SMC1A: variants seen among roughly 807,000 people sequenced by gnomAD.
The protein encoded by SMC1A is structural maintenance of chromosomes protein 1A.
SMC1A carries 4 observed loss-of-function variants against 94.5 expected under a neutral mutation model. The ratio of observed to expected loss-of-function variants is 0.04; its 90% confidence interval spans 0.02 to 0.10. The LOEUF is 0.10. Among genes scored for constraint, SMC1A ranks in the 10% least tolerant of loss-of-function variants. The probability of loss-of-function intolerance (pLI) is 1.00; values close to 1 mark genes in which losing one functional copy is unlikely to be tolerated. For synonymous variants in SMC1A, 345 were observed against 347.7 expected, an observed-to-expected ratio of 0.99 and a Z score of 0.09; for missense variants, 304 against 989.0, an observed-to-expected ratio of 0.31 and a Z score of 9.29.
At position 53,412,046 on chromosome X, in the gene SMC1A, C is replaced by T; in HGVS notation, c.1062G>A (p.Met354Ile). The change falls in exon 6 of 25, where the codon ATG becomes ATA. Residue 354 changes from methionine (M) to isoleucine (I), a missense_variant. By Grantham distance (10) the Met-to-Ile change is conservative. Around this residue, in one of 11 missense-constraint regions of SMC1A, gnomAD observed 120 missense variants for 314.9 expected, o/e 0.38. Transcript: ENST00000322213. ...EKARQEFEER[M>I]EEESQSQGRD... The stretch of plus-strand genomic sequence containing the variant: ...TGCCCTGACTCTGACTCTCTTCTTC[C>T]ATCCGTTCTTCAAACTCCTGCCGAG... 1.7e-6 allele frequency: 2 copies of T among 1,211,386 alleles called. No individual in the cohort carries two copies. Among genetic ancestry groups the T allele is most frequent in the Non-Finnish European group, 2.2e-6 (2 of 895,212 alleles).
intron 15 of SMC1A, among the ~76,000 whole-genome samples, chrX:53,403,244 C>T (rs1556889188): frequency 9.3e-6 from 1 of 107,186 alleles, no homozygotes; most frequent in South Asian, 4.2e-4. Context: ...ACCTAATCCT[C>T]CCAACAATGC....
In SMC1A at chrX:53,376,519, A is replaced by T. The variant is rs2075560312; in HGVS notation, c.*3584T>A. 9.0e-6 allele frequency: 1 copy of T among 111,494 alleles called. No individual in the cohort carries two copies. The highest frequency in any genetic ancestry group is 3.8e-4 in the South Asian group (1 of 2,644). The allele number at this position is 111,494 out of a possible 1,213,427, so 9.2% of individuals were successfully genotyped here. ...GCCATGCATTTACGACCCTCTTCCA[A>T]TCTGGTTCCTCTCTACCTTTTCTTG... On this transcript the variant is annotated 3_prime_UTR_variant, in exon 25 of 25. Transcript: ENST00000322213.
rs146216425 is a variant in SMC1A at position 53,380,647 on chromosome X, G to A, written c.3591C>T (p.Ala1197=). ...ISLKEEFYTK[A]ESLIGVYPEQ... is the part of the protein sequence containing the mutation. ...CAGGATAGACTCCAATGAGGCTCTC[G>A]GCCTTGGTGTAGAACTCCTCCTTGA... Residue 1197 remains alanine (A), a synonymous_variant, in exon 24 of 25, where the codon GCC becomes GCT. Coordinates refer to ENST00000322213, the MANE Select transcript of SMC1A (RefSeq NM_006306.4). 3.4e-4 allele frequency: 414 copies of A among 1,203,511 alleles called. No individual in the cohort carries two copies. The highest frequency in any genetic ancestry group is 2.0e-4 in the Non-Finnish European group (176 of 889,328).
intron 1 of SMC1A, among the ~76,000 whole-genome samples, chrX:53,419,034 C>T (rs1556891664): frequency 1.5e-5 from 1 of 68,056 alleles, no homozygotes; most frequent in Non-Finnish European, 2.7e-5. Flanking sequence ...GAGAGAGACT[C>T]TGTCTCAAAA....
At chrX:53,394,440 C>T (rs1048232501) in intron 19 of SMC1A, among the ~76,000 whole-genome samples, 1 of 111,020 alleles carries the variant, frequency 9.0e-6, no homozygotes, top group Admixed American at 9.6e-5. Flanking sequence ...CTGAGGAACA[C>T]CTGAGGTCAA....
At chrX:53,412,341 CCT>C (rs1397987249) in intron 5 of SMC1A, 88 bp from the exon 6 acceptor site, 112 of 933,055 alleles carry the variant, frequency 1.2e-4, no homozygotes, top group East Asian at 4.3e-4. Context: ...AGCTTGAGCC[CCT>C]GAGCCAACCT....
At chrX:53,406,089 GGTTAAGAT>G (rs2075690150) in intron 9 of SMC1A, 133 bp from the exon 10 acceptor site, 2 of 612,607 alleles carry the variant, frequency 3.3e-6, no homozygotes, top group Non-Finnish European at 5.3e-6. Flanking sequence ...ATTGCCTAGT[GGTTAAGAT>G]AACCCAATAC....
chrX:53,388,763 C>T (rs2075614988), intron 19 of SMC1A, among the ~76,000 whole-genome samples: 1 of 109,109 alleles, frequency 9.2e-6, no homozygotes, highest in Non-Finnish European at 1.9e-5. Flanking sequence ...TCTGGGAGGC[C>T]GAGGCGGGTG....
At chrX:53,402,448 G>A (rs2075673633) in intron 15 of SMC1A, among the ~76,000 whole-genome samples, 1 of 109,110 alleles carries the variant, frequency 9.2e-6, no homozygotes, top group Admixed American at 9.9e-5. Flanking sequence ...TTCATCTCCC[G>A]CCTCCCTCCA....
Position 53,406,080 on chromosome X carries a change from T to C in SMC1A, c.1546-124A>G. On this transcript the variant is annotated intron_variant, in intron 9 of 24. Transcript: ENST00000322213. ...ATATCAGGAAGTGAATGCAACTGTA[T>C]TGCCTAGTGGTTAAGATAACCCAAT... 6.2e-6 allele frequency: 4 copies of C among 640,413 alleles called. No homozygotes were observed. The South Asian group carries it at 7.1e-5, about 11-fold the overall frequency. The allele number at this position is 640,413 out of a possible 1,213,427, so 52.8% of individuals were successfully genotyped here. A position where few individuals can be genotyped will look rare whatever the true frequency, so the allele number is the denominator to read the frequency against.
intron 8 of SMC1A, 68 bp from the exon 9 acceptor site, chrX:53,409,337 G>T: frequency 8.6e-7 from 1 of 1,163,363 alleles, no homozygotes; most frequent in Non-Finnish European, 1.2e-6. Flanking sequence ...AGAGAGCTCT[G>T]GGGGTCCTGC....
intron 19 of SMC1A, among the ~76,000 whole-genome samples, chrX:53,393,599 T>C (rs1273805108): frequency 9.0e-6 from 1 of 111,131 alleles, no homozygotes; most frequent in African/African-American, 3.3e-5. Flanking sequence ...ATGGATGGAG[T>C]AATGTCTAGT....
rs139363333 is a variant in SMC1A at position 53,386,388 on chromosome X, A to C, written c.2974-3135T>G. On this transcript the variant is annotated intron_variant, in intron 19 of 24. Coordinates refer to ENST00000322213, the MANE Select transcript of SMC1A (RefSeq NM_006306.4). ...GTTTCAAAAAGAAAAAAAACTACAA[A>C]AGACACTTTTAGAACATCTAGAGAA... Among the ~76,000 whole-genome samples the C allele has an allele frequency of 3.7e-3, 414 of 112,056 alleles. 2 individuals carry two copies. Among genetic ancestry groups the C allele is most frequent in the African/African-American group, 0.013 (394 of 30,928 alleles).
At position 53,380,145 on chromosome X, in the gene SMC1A, G is replaced by C; in HGVS notation, c.3660C>G (p.Leu1220=). The C allele has an allele frequency of 8.3e-7, 1 of 1,208,794 alleles. No individual in the cohort carries two copies. Among genetic ancestry groups the C allele is most frequent in the Non-Finnish European group, 1.1e-6 (1 of 893,620 alleles). The change falls in exon 25 of 25, where the codon CTC becomes CTG. Residue 1220 remains leucine (L), a synonymous_variant. Coordinates refer to ENST00000322213, the MANE Select transcript of SMC1A (RefSeq NM_006306.4). The part of the protein sequence containing the change: ...CVISKVLTFD[L]TKYPDANPNP... ...TGGGGTTGGCATCTGGGTACTTGGTGAGGTCGAAGGTCAGGACTTTGCTGA... is the reference window on the plus strand; with the variant it reads ...TGGGGTTGGCATCTGGGTACTTGGTCAGGTCGAAGGTCAGGACTTTGCTGA...
intron 16 of SMC1A, 130 bp from the exon 17 acceptor site, chrX:53,396,747 A>G: frequency 1.5e-6 from 1 of 682,041 alleles, no homozygotes; most frequent in Non-Finnish European, 2.3e-6. Context: ...TTGCTTTCAC[A>G]CCCCCATCAC....
Position 53,405,897 on chromosome X carries a change from G to A in SMC1A, c.1605C>T (p.Thr535=), listed in dbSNP as rs1293606288. 4.1e-6 allele frequency: 5 copies of A among 1,209,364 alleles called. No individual in the cohort carries two copies. Among genetic ancestry groups the A allele is most frequent in the Non-Finnish European group, 5.6e-6 (5 of 894,922 alleles). The change falls in exon 10 of 25, where the codon ACC becomes ACT. Residue 535 remains threonine (T), a synonymous_variant. Transcript: ENST00000322213. Reference sequence around the variant, plus strand: ...CATCCATGTTCTTGCCCAAAACCTTGGTTACAGCAATCTGATACTTCTTTT... The same window carrying A: ...CATCCATGTTCTTGCCCAAAACCTTAGTTACAGCAATCTGATACTTCTTTT... The part of the protein sequence containing the change: ...PTQKKYQIAV[T]KVLGKNMDAI...
At chrX:53,394,744 C>CCACCCCCCCCA in intron 19 of SMC1A, 34 bp downstream of exon 19, 1 of 614,117 alleles carries the variant, frequency 1.6e-6, no homozygotes, top group Admixed American at 2.5e-5. Flanking sequence ...CACCCAACCC[C>CCACCCCCCCCA]CACCCCCACC....
chrX:53,402,666 CAG>C (rs2075674828), intron 15 of SMC1A, among the ~76,000 whole-genome samples: 1 of 102,636 alleles, frequency 9.7e-6, no homozygotes, highest in Non-Finnish European at 2.0e-5. Context: ...AGTTCGAGAT[CAG>C]TCTGGCCAGC....
intron 1 of SMC1A, 151 bp from the exon 2 acceptor site, chrX:53,415,320 C>T: frequency 3.9e-6 from 2 of 513,098 alleles, no homozygotes; most frequent in Admixed American, 2.9e-5. Context: ...CCCATAAAGA[C>T]TGAGCACAAC....
Sources: allele counts gnomAD v4.1 joint callset (sites outside exome capture counted in the v4.1 genomes callset), GRCh38; gene constraint gnomAD v4.1.1; regional missense constraint gnomAD v4.1.1; transcripts MANE v1.5; gene names NCBI Gene and HGNC (gene_info 2026-07-23, HGNC 2026-07-21).